CPS1: variants seen among roughly 807,000 people sequenced by gnomAD.
CPS1 encodes carbamoyl-phosphate synthase [ammonia], mitochondrial.
A neutral mutation model predicts 174.6 loss-of-function variants in CPS1; 109 were observed. The observed-to-expected ratio is 0.62, with a 90% CI of 0.53 to 0.73. CPS1 has a LOEUF of 0.73. Among genes scored for constraint, CPS1 ranks in the 30% least tolerant of loss-of-function variants. The pLI, the probability that CPS1 is intolerant of heterozygous loss-of-function variation, is 0.00. For missense variants in CPS1, 1,689 were observed against 1,821.9 expected (o/e 0.93, Z 1.33); for synonymous variants, 637 against 632.0 (o/e 1.01, Z -0.12).
chr2:210,541,481 C>A (rs576153040), intron 1 of CPS1, among the ~76,000 whole-genome samples: 3 of 152,098 alleles, frequency 2.0e-5, no homozygotes, highest in Non-Finnish European at 4.4e-5. Flanking sequence ...AACTCGTTAT[C>A]GGCTTTGTCC....
intron 1 of CPS1, among the ~76,000 whole-genome samples, chr2:210,565,151 A>C (rs1299041849): frequency 6.6e-6 from 1 of 152,166 alleles, no homozygotes; most frequent in Non-Finnish European, 1.5e-5. Flanking sequence ...GCAATTACAT[A>C]TACATAGGAA....
intron 1 of CPS1, among the ~76,000 whole-genome samples, chr2:210,502,191 C>T (rs1695157309): frequency 6.6e-6 from 1 of 151,914 alleles, no homozygotes; most frequent in Non-Finnish European, 1.5e-5. Context: ...TGGAGATTAT[C>T]ACAACTCAAG....
chr2:210,490,925 A>G (rs1203966065), intron 1 of CPS1, among the ~76,000 whole-genome samples: 1 of 152,202 alleles, frequency 6.6e-6, no homozygotes, highest in Non-Finnish European at 1.5e-5. Flanking sequence ...CTCTTGTCTC[A>G]GAGAAGACCC....
At chr2:210,546,028 C>T (rs967498532) in intron 1 of CPS1, among the ~76,000 whole-genome samples, 7 of 151,920 alleles carry the variant, frequency 4.6e-5, no homozygotes, top group Non-Finnish European at 1.5e-5. Flanking sequence ...ATTTTTAGTT[C>T]TTTTTGTTAT....
intron 21 of CPS1, among the ~76,000 whole-genome samples, chr2:210,628,276 T>G (rs538931963): frequency 6.6e-6 from 1 of 152,302 alleles, no homozygotes; most frequent in East Asian, 1.9e-4. Context: ...TTTCTATGTC[T>G]TCTTATGAAA....
intron 7 of CPS1, among the ~76,000 whole-genome samples, chr2:210,588,400 G>A (rs2106104493): frequency 6.6e-6 from 1 of 151,398 alleles, no homozygotes; most frequent in East Asian, 1.9e-4. Flanking sequence ...GACTGTTCTT[G>A]TCATTAATTG....
At chr2:210,503,404 T>C (rs1390564297) in intron 1 of CPS1, among the ~76,000 whole-genome samples, 1 of 152,196 alleles carries the variant, frequency 6.6e-6, no homozygotes, top group Non-Finnish European at 1.5e-5. Flanking sequence ...TTCTATCGTC[T>C]GAAGGGAGAA....
intron 21 of CPS1, among the ~76,000 whole-genome samples, chr2:210,633,035 G>A (rs970763931): frequency 1.3e-5 from 2 of 152,124 alleles, no homozygotes; most frequent in Non-Finnish European, 2.9e-5. Flanking sequence ...AATATGCAAG[G>A]TGCAGGTCTA....
chr2:210,668,436 A>G (rs1359870463), intron 34 of CPS1, 152 bp downstream of exon 34: 1 of 699,240 alleles, frequency 1.4e-6, no homozygotes, highest in Admixed American at 2.1e-5. Context: ...TTTGTTCTCT[A>G]TTTGCTTCCT....
intron 1 of CPS1, among the ~76,000 whole-genome samples, chr2:210,537,598 C>A (rs987119261): frequency 3.3e-5 from 5 of 152,156 alleles, no homozygotes; most frequent in Admixed American, 3.3e-4. Context: ...AATATGATAG[C>A]CTGATTCCAA....
chr2:210,624,935 A>G (rs955008066), intron 21 of CPS1, among the ~76,000 whole-genome samples: 41 of 152,200 alleles, frequency 2.7e-4, no homozygotes. Flanking sequence ...AAAATAACAC[A>G]TACTCAGAAT....
intron 1 of CPS1, among the ~76,000 whole-genome samples, chr2:210,495,222 ATTT>A (rs1371574989): frequency 3.9e-5 from 6 of 152,112 alleles, no homozygotes; most frequent in Non-Finnish European, 7.4e-5. Flanking sequence ...GCAGCGCAAA[ATTT>A]TGGGGAGCAG....
intron 1 of CPS1, among the ~76,000 whole-genome samples, chr2:210,491,000 G>C (rs527567015): frequency 6.6e-6 from 1 of 152,234 alleles, no homozygotes; most frequent in East Asian, 1.9e-4. Flanking sequence ...GGGCAAAGTT[G>C]GAAAATCCCC....
At chr2:210,588,816 G>C (rs1344507977) in intron 7 of CPS1, among the ~76,000 whole-genome samples, 1 of 151,944 alleles carries the variant, frequency 6.6e-6, no homozygotes, top group East Asian at 1.9e-4. Flanking sequence ...CCTTATTAGA[G>C]AATACCAGCA....
At chr2:210,563,817 C>G (rs184933095) in intron 1 of CPS1, among the ~76,000 whole-genome samples, 46 of 152,272 alleles carry the variant, frequency 3.0e-4, no homozygotes, top group African/African-American at 1.1e-3. Context: ...AGACTAAGCC[C>G]TCTCAATCAG....
chr2:210,579,809 G>T (rs1002501169), intron 5 of CPS1, 39 bp downstream of exon 5: 11 of 1,338,016 alleles, frequency 8.2e-6, no homozygotes, highest in Admixed American at 3.5e-5. Flanking sequence ...TGTTTCTTCG[G>T]GTGTGTGTGT....
At chr2:210,625,488 C>A (rs1699671458) in intron 21 of CPS1, among the ~76,000 whole-genome samples, 1 of 152,012 alleles carries the variant, frequency 6.6e-6, no homozygotes, top group Non-Finnish European at 1.5e-5. Flanking sequence ...GTGTCTCTAT[C>A]CCATATTTTA....
rs148829802 is a variant in CPS1, at chr2:210,603,949, A to T, written c.1837-1153A>T. Among the ~76,000 whole-genome samples the T allele has an allele frequency of 6.8e-3, 1,040 of 152,076 alleles. 10 individuals carry two copies. The highest frequency in any genetic ancestry group is 0.01 in the Non-Finnish European group (692 of 67,922). On this transcript the variant is annotated intron_variant, in intron 16 of 37. Coordinates refer to ENST00000233072, the MANE Select transcript of CPS1 (RefSeq NM_001875.5). ...AAAAATAAAAATAAGCTGAGGAAAC[A>T]GGTGAAGATAATTTCAAATTTTCCC...
chr2:210,668,566 T>G (rs892586618), intron 34 of CPS1, among the ~76,000 whole-genome samples: 2 of 152,154 alleles, frequency 1.3e-5, no homozygotes, highest in Non-Finnish European at 2.9e-5. Flanking sequence ...AATGAATCTC[T>G]TATTCTTTGG....
Sources: gnomAD v4.1 joint callset for allele counts (sites outside exome capture counted in the v4.1 genomes callset) on GRCh38, gnomAD v4.1.1 for gene constraint, MANE v1.5 for transcripts, NCBI Gene and HGNC (gene_info 2026-07-23, HGNC 2026-07-21) for gene names.